Variants in CCR3 observed in about 807,000 individuals in gnomAD.
CCR3 encodes C-C motif chemokine receptor 3.
For missense variants in CCR3, 419 were observed against 437.5 expected, an observed-to-expected ratio of 0.96 and a Z score of 0.38; for synonymous variants, 203 against 179.2, an observed-to-expected ratio of 1.13 and a Z score of -1.06.
At chr3:46,264,709 A>G in intron 1 of CCR3, 1 of 442,968 alleles carries the variant, frequency 2.3e-6, no homozygotes, top group Non-Finnish European at 4.0e-6. Flanking sequence ...TTATTATTAT[A>G]CATATTTTGC....
intron 2 of CCR3, among the ~76,000 whole-genome samples, chr3:46,212,163 G>A (rs1160343462): frequency 6.6e-6 from 1 of 152,156 alleles, no homozygotes; most frequent in African/African-American, 2.4e-5. Flanking sequence ...CCAAGACGGG[G>A]CAGGGCCCAG....
intron 1 of CCR3, among the ~76,000 whole-genome samples, chr3:46,256,226 A>G (rs1670539667): frequency 6.6e-6 from 1 of 152,174 alleles, no homozygotes; most frequent in African/African-American, 2.4e-5. Flanking sequence ...AATCATGCTG[A>G]CAATGACATA....
At chr3:46,261,273 A>G (rs1297354686) in intron 1 of CCR3, among the ~76,000 whole-genome samples, 3 of 152,342 alleles carry the variant, frequency 2.0e-5, no homozygotes, top group South Asian at 4.1e-4. Flanking sequence ...TTGGAAATGT[A>G]TAATGAAAGG....
chr3:46,265,367 A>G lies in CCR3; in HGVS notation c.209A>G (p.Asn70Ser), dbSNP rs1460355064. ...IKYRRLRIMT[N>S]IYLLNLAISD... ...TACAGGAGGCTCCGAATTATGACCA[A>G]CATCTACCTGCTCAACCTGGCCATT... Residue 70 changes from asparagine to serine, a missense_variant, in exon 2 of 2, where the codon AAC (asparagine) becomes AGC (serine). Asn to Ser is a conservative substitution (Grantham distance 46, BLOSUM62 1). Transcript: ENST00000395940. The G allele has an allele frequency of 6.2e-7, 1 of 1,614,024 alleles. No homozygotes were observed. The highest frequency in any genetic ancestry group is 1.7e-5 in the Admixed American group (1 of 60,006).
upstream of CCR3, among the ~76,000 whole-genome samples, chr3:46,238,912 CG>C (rs1428101248): frequency 6.6e-6 from 1 of 152,142 alleles, no homozygotes; most frequent in African/African-American, 2.4e-5. Context: ...AGCAACATAA[CG>C]CAGATCAGCG....
At chr3:46,255,947 T>C (rs908258284) in intron 1 of CCR3, among the ~76,000 whole-genome samples, 1 of 152,046 alleles carries the variant, frequency 6.6e-6, no homozygotes, top group Non-Finnish European at 1.5e-5. Flanking sequence ...ATAATGGTGG[T>C]ATTGAGATGG....
intron 1 of CCR3, among the ~76,000 whole-genome samples, chr3:46,246,887 A>G (rs1430772546): frequency 1.3e-5 from 2 of 152,034 alleles, no homozygotes; most frequent in African/African-American, 2.4e-5. Flanking sequence ...AGTGGGAGAG[A>G]TTAAGCTGAA....
At chr3:46,215,359 T>C (rs933704277) in intron 2 of CCR3, among the ~76,000 whole-genome samples, 2 of 152,118 alleles carry the variant, frequency 1.3e-5, no homozygotes, top group Non-Finnish European at 2.9e-5. Context: ...ACCTGGGAGC[T>C]TGGTGGAAAT....
upstream of CCR3, among the ~76,000 whole-genome samples, chr3:46,237,825 A>G (rs151124559): frequency 6.9e-3 from 1,051 of 152,348 alleles, 8 homozygotes; most frequent in Admixed American, 0.011. Context: ...TTGGGTTACA[A>G]TGTAAGCTGC....
intron 1 of CCR3, among the ~76,000 whole-genome samples, chr3:46,264,906 C>G (rs1700588268): frequency 6.6e-6 from 1 of 152,066 alleles, no homozygotes; most frequent in Non-Finnish European, 1.5e-5. Flanking sequence ...TCACCACCAC[C>G]CCACAACATT....
chr3:46,241,481 C>A (rs1700084702), upstream of CCR3, among the ~76,000 whole-genome samples: 1 of 152,218 alleles, frequency 6.6e-6, no homozygotes, highest in Admixed American at 6.5e-5. Flanking sequence ...TGAGACATGG[C>A]TCTGCCCTAT....
At chr3:46,227,374 C>T (rs567503677) in intron 2 of CCR3, among the ~76,000 whole-genome samples, 1 of 152,140 alleles carries the variant, frequency 6.6e-6, no homozygotes, top group South Asian at 2.1e-4. Context: ...TATGTCTTCT[C>T]TTTTTCTCTT....
At chr3:46,211,031 G>A (rs564417366) in intron 2 of CCR3, 1 of 152,216 alleles carries the variant, frequency 6.6e-6, no homozygotes, top group Admixed American at 6.5e-5. Flanking sequence ...CTGGGCATTG[G>A]AATTTTAATA....
intron 2 of CCR3, among the ~76,000 whole-genome samples, chr3:46,223,541 G>T (rs985718605): frequency 1.3e-5 from 2 of 152,168 alleles, no homozygotes; most frequent in African/African-American, 2.4e-5. Flanking sequence ...ATATATAAGA[G>T]GTGGTCAGTG....
chr3:46,229,630 G>A (rs1384641660), intron 2 of CCR3, among the ~76,000 whole-genome samples: 2 of 152,070 alleles, frequency 1.3e-5, no homozygotes, highest in African/African-American at 4.8e-5. Flanking sequence ...GAAATATTTT[G>A]AATCTTGATT....
At chr3:46,218,548 T>A (rs34625088) in intron 2 of CCR3, among the ~76,000 whole-genome samples, 10,423 of 151,966 alleles carry the variant, frequency 0.069, 585 homozygotes, top group South Asian at 0.27. Context: ...CTGATCAATA[T>A]CCCTCATGAA....
chr3:46,231,317 A>G (rs1239845431), intron 2 of CCR3, among the ~76,000 whole-genome samples: 2 of 152,240 alleles, frequency 1.3e-5, no homozygotes, highest in Non-Finnish European at 2.9e-5. Flanking sequence ...ACCCCTCCCT[A>G]CATGACTTTC....
upstream of CCR3, among the ~76,000 whole-genome samples, chr3:46,239,587 A>G (rs1194309480): frequency 6.6e-6 from 1 of 152,206 alleles, no homozygotes; most frequent in African/African-American, 2.4e-5. Context: ...ACTGGTGAGA[A>G]CACAGAGTGC....
intron 1 of CCR3, among the ~76,000 whole-genome samples, chr3:46,246,694 G>T (rs1183809104): frequency 6.6e-6 from 1 of 152,004 alleles, no homozygotes; most frequent in Non-Finnish European, 1.5e-5. Flanking sequence ...ACAGGGGATG[G>T]GATAGCTTGG....
Sources: gnomAD v4.1 joint callset for allele counts (sites outside exome capture counted in the v4.1 genomes callset) on GRCh38, gnomAD v4.1.1 for gene constraint, MANE v1.5 for transcripts, NCBI Gene and HGNC (gene_info 2026-07-23, HGNC 2026-07-21) for gene names.